PTPRG: variants seen among roughly 807,000 people sequenced by gnomAD.
PTPRG encodes the protein protein tyrosine phosphatase receptor type G, also known as receptor-type tyrosine-protein phosphatase gamma.
In PTPRG, 102 loss-of-function variants were observed where a neutral mutation model predicts 165.3. That is an observed-to-expected ratio of 0.62 (90% CI 0.53 to 0.73). PTPRG has a LOEUF of 0.73. Among genes scored for constraint, PTPRG ranks in the 30% least tolerant of loss-of-function variants. The probability of loss-of-function intolerance (pLI) is 0.00; values close to 1 mark genes in which losing one functional copy is unlikely to be tolerated. For missense variants in PTPRG, 1,866 were observed against 1,861.4 expected, an observed-to-expected ratio of 1.00 and a Z score of -0.05; for synonymous variants, 675 against 669.5, an observed-to-expected ratio of 1.01 and a Z score of -0.13.
chr3:62,183,630 A>C (rs1258853670), intron 8 of PTPRG, among the ~76,000 whole-genome samples: 2 of 151,938 alleles, frequency 1.3e-5, no homozygotes, highest in African/African-American at 4.8e-5. Flanking sequence ...CTATAGCAGC[A>C]ATCTGTATAT....
intron 2 of PTPRG, chr3:61,769,789 T>C (rs1370704970): frequency 6.6e-6 from 1 of 152,118 alleles, no homozygotes. Context: ...GTGAATATGG[T>C]GATGTGATTC....
chr3:61,585,350 A>C (rs1700409310), intron 1 of PTPRG, among the ~76,000 whole-genome samples: 4 of 151,936 alleles, frequency 2.6e-5, no homozygotes, highest in Admixed American at 2.6e-4. Flanking sequence ...TACGTGGAGG[A>C]AAATGGCAAT....
rs74395551 is a variant in PTPRG at position 61,973,002 on chromosome 3, C to T, written c.191-16623C>T. ...ACAACCAAGAATTTGCTGTGCTGTC[C>T]GGGAGGGAGTTAGGGAGAAAAATTA... On this transcript the variant is annotated intron_variant, in intron 2 of 29. Transcript: ENST00000474889. Among the ~76,000 whole-genome samples the T allele has an allele frequency of 2.2e-3, 333 of 151,880 alleles. 1 individual carries two copies. Among genetic ancestry groups the T allele is most frequent in the Non-Finnish European group, 3.8e-3 (261 of 67,954 alleles).
chr3:61,776,473 G>A (rs189440973), intron 2 of PTPRG, among the ~76,000 whole-genome samples: 26 of 152,226 alleles, frequency 1.7e-4, no homozygotes, highest in African/African-American at 6.0e-4. Context: ...GTAAGAACCC[G>A]TTTGTGTCTG....
chr3:61,820,913 T>C (rs2035935717), intron 2 of PTPRG, among the ~76,000 whole-genome samples: 1 of 152,142 alleles, frequency 6.6e-6, no homozygotes, highest in East Asian at 1.9e-4. Context: ...ATGGTGTTTT[T>C]TTGATTCACT....
intron 2 of PTPRG, among the ~76,000 whole-genome samples, chr3:61,930,875 A>G (rs1448982303): frequency 1.3e-5 from 2 of 152,334 alleles, no homozygotes; most frequent in Admixed American, 1.3e-4. Context: ...AGCCTGGCCA[A>G]TATGGTGAAA....
intron 1 of PTPRG, among the ~76,000 whole-genome samples, chr3:61,717,631 C>CA (rs1194085498): frequency 1.4e-4 from 21 of 151,446 alleles, no homozygotes; most frequent in South Asian, 1.3e-3. Context: ...ACTAAAAATA[C>CA]AAAAAAAATT....
chr3:62,216,359 T>C (rs1005012496), intron 12 of PTPRG, among the ~76,000 whole-genome samples: 1 of 152,172 alleles, frequency 6.6e-6, no homozygotes, highest in Admixed American at 6.5e-5. Context: ...GCATTCTTTG[T>C]AGCAGCACAG....
chr3:62,200,843 G>C (rs1450142152), intron 10 of PTPRG, among the ~76,000 whole-genome samples: 1 of 152,148 alleles, frequency 6.6e-6, no homozygotes, highest in African/African-American at 2.4e-5. Flanking sequence ...TTATTGTACA[G>C]TTCATTTTTA....
At chr3:61,721,071 C>T (rs11718714) in intron 1 of PTPRG, among the ~76,000 whole-genome samples, 40,621 of 152,108 alleles carry the variant, frequency 0.27, 6,246 homozygotes, top group East Asian at 0.71. Context: ...CTTTCAACTG[C>T]ATTGTAAATT....
intron 4 of PTPRG, among the ~76,000 whole-genome samples, chr3:62,064,256 T>C (rs1700924823): frequency 6.6e-6 from 1 of 152,234 alleles, no homozygotes; most frequent in Non-Finnish European, 1.5e-5. Flanking sequence ...TAGTTTGTGC[T>C]GTTTTTCCAG....
intron 28 of PTPRG, among the ~76,000 whole-genome samples, chr3:62,283,868 C>G (rs887832882): frequency 2.0e-5 from 3 of 152,030 alleles, no homozygotes; most frequent in African/African-American, 4.8e-5. Context: ...AAATGTTGGC[C>G]TGACTCTTGA....
At chr3:61,814,772 G>A (rs1350672779) in intron 2 of PTPRG, among the ~76,000 whole-genome samples, 1 of 150,958 alleles carries the variant, frequency 6.6e-6, no homozygotes, top group South Asian at 2.1e-4. Flanking sequence ...ATTCATCTAG[G>A]ATGACTGGGA....
At chr3:61,721,393 G>C (rs1416335627) in intron 1 of PTPRG, among the ~76,000 whole-genome samples, 1 of 152,158 alleles carries the variant, frequency 6.6e-6, no homozygotes, top group African/African-American at 2.4e-5. Flanking sequence ...CAAACTCAAA[G>C]ATGTACCATT....
intron 1 of PTPRG, among the ~76,000 whole-genome samples, chr3:61,584,708 T>TG (rs1192261842): frequency 1.3e-5 from 2 of 152,124 alleles, no homozygotes; most frequent in East Asian, 3.9e-4. Flanking sequence ...CTGGGATTGT[T>TG]GGCATCTGAA....
chr3:61,808,505 C>T (rs2035480728), intron 2 of PTPRG, among the ~76,000 whole-genome samples: 1 of 152,126 alleles, frequency 6.6e-6, no homozygotes, highest in Non-Finnish European at 1.5e-5. Context: ...TTATCAACCT[C>T]ATCATAACCT....
chr3:61,880,920 CCTT>C (rs2037871031), intron 2 of PTPRG, among the ~76,000 whole-genome samples: 2 of 149,282 alleles, frequency 1.3e-5, no homozygotes, highest in African/African-American at 4.9e-5. Flanking sequence ...TTTCTACTGA[CCTT>C]TTAGAGAGAC....
At chr3:62,127,560 C>T (rs1450659521) in intron 5 of PTPRG, among the ~76,000 whole-genome samples, 1 of 152,212 alleles carries the variant, frequency 6.6e-6, no homozygotes. Context: ...TATAGCCATT[C>T]ACCCTCAGCA....
At chr3:61,852,467 G>A (rs1268377131) in intron 2 of PTPRG, among the ~76,000 whole-genome samples, 1 of 152,170 alleles carries the variant, frequency 6.6e-6, no homozygotes, top group Non-Finnish European at 1.5e-5. Flanking sequence ...AAACCTACTT[G>A]CATACTTCGG....
Sources: gnomAD v4.1 joint callset for allele counts (sites outside exome capture counted in the v4.1 genomes callset) on GRCh38, gnomAD v4.1.1 for gene constraint, MANE v1.5 for transcripts, NCBI Gene and HGNC (gene_info 2026-07-23, HGNC 2026-07-21) for gene names.